SLC9D1: variants seen among roughly 807,000 people sequenced by gnomAD.
SLC9D1 encodes putative LAG1-interacting protein.
At chr13:113,508,505 G>C in the SLC9D1 span, among the ~76,000 whole-genome samples, 1 of 152,228 alleles carries the variant, frequency 6.6e-6, no homozygotes, top group South Asian at 2.1e-4. Context: ...AGCATAGGAA[G>C]TAGAGAAAAG....
chr13:113,517,299 T>C, the SLC9D1 span, among the ~76,000 whole-genome samples: 4 of 152,222 alleles, frequency 2.6e-5, no homozygotes, highest in Non-Finnish European at 2.9e-5. Context: ...ACGGCACAAT[T>C]TCAGCTCACT....
At chr13:113,535,390 C>T in the SLC9D1 span, 3 of 152,102 alleles carry the variant, frequency 2.0e-5, no homozygotes, top group South Asian at 2.1e-4. This position sits in a 1 kb window ranked among gnomAD's most constrained non-coding sequence, Gnocchi z 4.1. Flanking sequence ...ACCTGGGCAC[C>T]GTCACCATTG....
chr13:113,547,149 A>G, the SLC9D1 span: 1 of 660,748 alleles, frequency 1.5e-6, no homozygotes, highest in South Asian at 1.8e-5. Flanking sequence ...GCGGCTTTTT[A>G]GCATTTGCTG....
chr13:113,527,697 C>G, the SLC9D1 span: 8 of 152,254 alleles, frequency 5.3e-5, no homozygotes, highest in Admixed American at 3.9e-4. Flanking sequence ...CTTCTCGCAT[C>G]TGTGGGTTTA....
the SLC9D1 span, among the ~76,000 whole-genome samples, chr13:113,497,285 CCTGCAGCTGTGTGTGAGAT>C: frequency 5.3e-5 from 8 of 151,860 alleles, no homozygotes; most frequent in Admixed American, 4.6e-4. Context: ...GTGTGCAAGA[CCTGCAGCTGTGTGTGAGAT>C]CTGCAGCTGT....
the SLC9D1 span, among the ~76,000 whole-genome samples, chr13:113,536,096 G>T: frequency 1.3e-5 from 2 of 152,160 alleles, no homozygotes. Flanking sequence ...AAAAGTTTCC[G>T]GCTGGGCGCG....
the SLC9D1 span, chr13:113,520,582 C>T: frequency 1.3e-5 from 19 of 1,510,574 alleles, no homozygotes; most frequent in Middle Eastern, 1.7e-4. Flanking sequence ...TTTGAGTTGT[C>T]GTAGACCTGT....
the SLC9D1 span, among the ~76,000 whole-genome samples, chr13:113,493,497 T>C: frequency 1.3e-5 from 2 of 152,198 alleles, no homozygotes; most frequent in South Asian, 4.1e-4. Context: ...AGCTCAGCTA[T>C]ATGGCTAGGC....
the SLC9D1 span, among the ~76,000 whole-genome samples, chr13:113,519,855 C>T: frequency 1.3e-5 from 2 of 152,222 alleles, no homozygotes; most frequent in African/African-American, 4.8e-5. Flanking sequence ...AGAGAAGGCT[C>T]GTTCTGTGCA....
At chr13:113,524,023 T>A in the SLC9D1 span, 18 of 432,238 alleles carry the variant, frequency 4.2e-5, no homozygotes, top group African/African-American at 3.7e-4. Context: ...GTTTGTTTTA[T>A]GGCCAGTGAT....
chr13:113,494,502 C>G, the SLC9D1 span, among the ~76,000 whole-genome samples: 1 of 152,118 alleles, frequency 6.6e-6, no homozygotes, highest in African/African-American at 2.4e-5. Context: ...TCCTCATTCC[C>G]CCAGCAGTAA....
At chr13:113,547,561 C>T in the SLC9D1 span, among the ~76,000 whole-genome samples, 1 of 152,140 alleles carries the variant, frequency 6.6e-6, no homozygotes, top group African/African-American at 2.4e-5. Flanking sequence ...GCTGGGCGGT[C>T]TGGGTTTGTC....
the SLC9D1 span, among the ~76,000 whole-genome samples, chr13:113,540,207 GC>G: frequency 6.6e-6 from 1 of 152,310 alleles, no homozygotes; most frequent in Middle Eastern, 3.4e-3. Context: ...ACGTGTGAGT[GC>G]GTGTGTCTTT....
At chr13:113,548,358 T>C in the SLC9D1 span, 1 of 1,613,958 alleles carries the variant, frequency 6.2e-7, no homozygotes, top group Non-Finnish European at 8.5e-7. Flanking sequence ...AGCCAGTACA[T>C]CAAGTGGATC....
chr13:113,493,599 C>T, the SLC9D1 span, among the ~76,000 whole-genome samples: 3 of 152,186 alleles, frequency 2.0e-5, no homozygotes, highest in Non-Finnish European at 2.9e-5. Context: ...TTGAAACTAA[C>T]ATAAAATTGA....
At chr13:113,503,429 G>C in the SLC9D1 span, 1 of 1,216,814 alleles carries the variant, frequency 8.2e-7, no homozygotes, top group African/African-American at 1.5e-5. Flanking sequence ...GGGCATGATT[G>C]TTGAGTTAAG....
chr13:113,509,924 T>C, the SLC9D1 span, among the ~76,000 whole-genome samples: 1 of 152,190 alleles, frequency 6.6e-6, no homozygotes, highest in Admixed American at 6.5e-5. Flanking sequence ...AACCTGTGTG[T>C]GCCTCGGTGT....
chr13:113,545,380 C>CCAGT, the SLC9D1 span, among the ~76,000 whole-genome samples: 2 of 152,340 alleles, frequency 1.3e-5, no homozygotes, highest in South Asian at 4.1e-4. Context: ...CCAGAGCCCA[C>CCAGT]ATAGTTTCTC....
the SLC9D1 span, chr13:113,501,707 C>T: frequency 3.3e-6 from 5 of 1,534,730 alleles, no homozygotes; most frequent in African/African-American, 5.5e-5. Context: ...CCCTTCTTAC[C>T]ACTGTTATCT....
Sources: allele counts gnomAD v4.1 joint callset (sites outside exome capture counted in the v4.1 genomes callset), GRCh38; gene constraint gnomAD v4.1.1; non-coding constraint Gnocchi (gnomAD v3.1); transcripts MANE v1.5; gene names NCBI Gene and HGNC (gene_info 2026-07-23, HGNC 2026-07-21).